Variants in RABGAP1 observed in about 807,000 individuals in gnomAD.
RABGAP1 encodes RAB GTPase activating protein 1, also known as rab GTPase-activating protein 1.
RABGAP1 carries 23 observed loss-of-function variants against 137.6 expected under a neutral mutation model. The ratio of observed to expected loss-of-function variants is 0.17; its 90% CI spans 0.12 to 0.24. The LOEUF is 0.24. RABGAP1 is among the 10% of genes least tolerant of loss of function. RABGAP1 has a pLI of 1.00. For synonymous variants in RABGAP1, 451 were observed against 450.7 expected, an observed-to-expected ratio of 1.00 and a Z score of -0.01; for missense variants, 906 against 1,275.8, an observed-to-expected ratio of 0.71 and a Z score of 4.42.
At chr9:122,946,397 G>T (rs1014995421) in intron 1 of RABGAP1, among the ~76,000 whole-genome samples, 5 of 152,140 alleles carry the variant, frequency 3.3e-5, no homozygotes, top group Non-Finnish European at 7.4e-5. Context: ...CTTTATTGTA[G>T]ATGAGAAGGA....
At chr9:122,985,190 G>C (rs1836304011) in intron 3 of RABGAP1, among the ~76,000 whole-genome samples, 1 of 152,188 alleles carries the variant, frequency 6.6e-6, no homozygotes, top group South Asian at 2.1e-4. Flanking sequence ...CAACTTAAAA[G>C]ACTCATTTGG....
At chr9:123,080,760 C>T (rs1177081326) in intron 19 of RABGAP1, among the ~76,000 whole-genome samples, 1 of 152,064 alleles carries the variant, frequency 6.6e-6, no homozygotes, top group Non-Finnish European at 1.5e-5. Context: ...TGAACTTTTT[C>T]ATGTGGAATT....
At chr9:123,011,798 CA>C (rs35053295) in intron 11 of RABGAP1, among the ~76,000 whole-genome samples, 148,650 of 152,134 alleles carry the variant, frequency 0.98, 72,724 homozygotes, top group East Asian at 1. Flanking sequence ...CTACTAAATA[CA>C]AAAAAATTAG....
At chr9:123,078,150 C>G (rs1465199255) in intron 19 of RABGAP1, among the ~76,000 whole-genome samples, 1 of 151,994 alleles carries the variant, frequency 6.6e-6, no homozygotes, top group East Asian at 1.9e-4. Context: ...GTTAAGACCT[C>G]TGAATGGCTC....
chr9:123,035,749 T>C (rs2032620005), intron 13 of RABGAP1: 3 of 606,810 alleles, frequency 4.9e-6, no homozygotes, highest in East Asian at 2.8e-5. Context: ...CTCTAAACAA[T>C]AGCATACAAA....
upstream of RABGAP1, among the ~76,000 whole-genome samples, chr9:122,937,164 C>G (rs1833398989): frequency 6.6e-6 from 1 of 152,178 alleles, no homozygotes; most frequent in East Asian, 1.9e-4. Context: ...AAAAAAATCA[C>G]AAGACATACA....
At chr9:123,051,878 G>A (rs926844809) in intron 13 of RABGAP1, among the ~76,000 whole-genome samples, 14 of 151,098 alleles carry the variant, frequency 9.3e-5, no homozygotes, top group East Asian at 2.0e-4. Context: ...TGCAAGCTCC[G>A]CCTCCTGGGT....
intron 13 of RABGAP1, among the ~76,000 whole-genome samples, chr9:123,053,162 T>C (rs2033560211): frequency 6.6e-6 from 1 of 152,210 alleles, no homozygotes; most frequent in Admixed American, 6.5e-5. Flanking sequence ...TTTTTGTCAC[T>C]TTTCTTGGCT....
At chr9:123,044,626 CGTGTGTGTGTGTGTGTGT>C (rs68089109) in intron 13 of RABGAP1, among the ~76,000 whole-genome samples, 2 of 149,088 alleles carry the variant, frequency 1.3e-5, no homozygotes, top group African/African-American at 4.9e-5. Flanking sequence ...AACACACGTA[CGTGTGTGTGTGTGTGTGT>C]GTGTGTGTGT....
At chr9:123,100,364 ATAAT>A (rs1163429912) in intron 24 of RABGAP1, among the ~76,000 whole-genome samples, 5 of 150,594 alleles carry the variant, frequency 3.3e-5, no homozygotes, top group Non-Finnish European at 5.9e-5. Context: ...GGCCTTCGTC[ATAAT>A]TAATGTTTAA....
chr9:123,065,068 T>C (rs1055462968), intron 13 of RABGAP1, among the ~76,000 whole-genome samples: 5 of 152,178 alleles, frequency 3.3e-5, no homozygotes, highest in African/African-American at 1.2e-4. Flanking sequence ...CATCTTACAA[T>C]AGAAGGGTCA....
intron 1 of RABGAP1, among the ~76,000 whole-genome samples, chr9:122,947,210 T>C (rs1278284783): frequency 2.0e-5 from 3 of 152,210 alleles, no homozygotes; most frequent in Non-Finnish European, 4.4e-5. Context: ...CCTTGAAGAC[T>C]TATACTAAAT....
At chr9:123,073,017 C>T (rs1055974136) in intron 15 of RABGAP1, among the ~76,000 whole-genome samples, 10 of 152,268 alleles carry the variant, frequency 6.6e-5, no homozygotes, top group Admixed American at 6.5e-4. Context: ...TCAAGCATTA[C>T]TGCAAGCCTT....
intron 13 of RABGAP1, among the ~76,000 whole-genome samples, chr9:123,049,251 G>T (rs1163453115): frequency 1.3e-5 from 2 of 152,152 alleles, no homozygotes; most frequent in Non-Finnish European, 2.9e-5. Flanking sequence ...GTGTAGTAAA[G>T]GTTCTGTGAC....
At chr9:122,981,054 GT>G (rs1204113768) in intron 2 of RABGAP1, among the ~76,000 whole-genome samples, 2 of 151,944 alleles carry the variant, frequency 1.3e-5, no homozygotes, top group Non-Finnish European at 2.9e-5. Context: ...TGTTGTTCTT[GT>G]TTGATAGAGT....
At chr9:123,091,185 G>A (rs1188309783) in intron 21 of RABGAP1, among the ~76,000 whole-genome samples, 1 of 152,166 alleles carries the variant, frequency 6.6e-6, no homozygotes, top group Admixed American at 6.5e-5. Context: ...CAACCCTTTA[G>A]GTTTCCCTGC....
intron 6 of RABGAP1, among the ~76,000 whole-genome samples, chr9:122,995,249 A>G (rs1231945310): frequency 1.3e-5 from 2 of 152,344 alleles, no homozygotes; most frequent in South Asian, 2.1e-4. Context: ...AGTGTTGGAC[A>G]ACAGCTTATT....
intron 2 of RABGAP1, among the ~76,000 whole-genome samples, chr9:122,984,219 A>C (rs766666854): frequency 1.1e-4 from 16 of 152,244 alleles, no homozygotes; most frequent in Admixed American, 3.9e-4. Context: ...AAAGACTTTA[A>C]TAACATTGGC....
intron 24 of RABGAP1, among the ~76,000 whole-genome samples, chr9:123,101,082 G>A (rs2035331375): frequency 6.6e-6 from 1 of 152,096 alleles, no homozygotes; most frequent in Admixed American, 6.6e-5. Context: ...CATTTTATTT[G>A]TAATCATAGT....
Sources: gnomAD v4.1 joint callset for allele counts (sites outside exome capture counted in the v4.1 genomes callset) on GRCh38, gnomAD v4.1.1 for gene constraint, MANE v1.5 for transcripts, NCBI Gene and HGNC (gene_info 2026-07-23, HGNC 2026-07-21) for gene names.